The following MDM1 variants were observed in gnomAD, a reference collection of about 807,000 sequenced individuals.
The protein encoded by MDM1 is stabilizer of axonemal microtubules 6, also known as Mdm1 nuclear protein.
Under a neutral mutation model 89.1 loss-of-function variants are expected in MDM1, and 61 were observed. The observed-to-expected ratio is 0.68, with a 90% CI of 0.56 to 0.85. MDM1 has a LOEUF of 0.85. Ranked by LOEUF, MDM1 falls within the 40% of genes least tolerant of loss-of-function variation. MDM1 has a pLI of 0.00. For missense variants in MDM1, 820 were observed against 846.5 expected (o/e 0.97, Z 0.39); for synonymous variants, 290 against 294.1 (o/e 0.99, Z 0.14).
intron 4 of MDM1, among the ~76,000 whole-genome samples, chr12:68,323,879 C>G (rs1211532179): frequency 6.6e-6 from 1 of 152,150 alleles, no homozygotes; most frequent in Non-Finnish European, 1.5e-5. Flanking sequence ...CAGATCTAAA[C>G]AGTTTATCTT....
intron 13 of MDM1, among the ~76,000 whole-genome samples, chr12:68,297,256 T>C (rs1347929326): frequency 6.6e-6 from 1 of 152,248 alleles, no homozygotes; most frequent in African/African-American, 2.4e-5. Flanking sequence ...TTTCCAATGA[T>C]AATATTGATC....
At position 68,326,645 on chromosome 12, in the gene MDM1, G is replaced by A. The variant is rs781291512; in HGVS notation, c.498+12C>T. 1 of 1,614,106 alleles carries A rather than the reference G, an allele frequency of 6.2e-7. No individual in the cohort carries two copies. On this transcript the variant is annotated intron_variant, in intron 3 of 14. Transcript: ENST00000682720. Reference sequence around the variant, plus strand: ...CTATGCTTTTGAAAAGAAATGCAGTGAATATGCCTACCCCATTATCTACAT... The same window carrying A: ...CTATGCTTTTGAAAAGAAATGCAGTAAATATGCCTACCCCATTATCTACAT...
At chr12:68,322,125 T>C (rs1293998978) in intron 5 of MDM1, among the ~76,000 whole-genome samples, 1 of 152,230 alleles carries the variant, frequency 6.6e-6, no homozygotes, top group Non-Finnish European at 1.5e-5. Context: ...TTACATACTT[T>C]CTATTTTTAG....
intron 13 of MDM1, among the ~76,000 whole-genome samples, chr12:68,301,555 C>A (rs2120773536): frequency 6.6e-6 from 1 of 152,024 alleles, no homozygotes; most frequent in East Asian, 1.9e-4. Context: ...TAGAATACAT[C>A]CATGTAACCA....
chr12:68,325,790 C>A, intron 3 of MDM1: 1 of 1,172,780 alleles, frequency 8.5e-7, no homozygotes, highest in Non-Finnish European at 1.1e-6. Flanking sequence ...ATTTAAAATT[C>A]CTTTCTATCA....
intron 2 of MDM1, among the ~76,000 whole-genome samples, chr12:68,328,332 A>G (rs1876308177): frequency 1.3e-5 from 2 of 152,220 alleles, no homozygotes; most frequent in South Asian, 4.1e-4. Context: ...ACATATGCAT[A>G]TAACACATTT....
At position 68,315,152 on chromosome 12, in the gene MDM1, G is replaced by A; in HGVS notation, c.1325C>T (p.Ser442Leu). The A allele has an allele frequency of 6.2e-7, 1 of 1,614,098 alleles. No individual in the cohort carries two copies. The highest frequency in any genetic ancestry group is 1.3e-5 in the African/African-American group (1 of 75,010). ...CCTTCTAACGGGTATGGTGGGAGCT[G>A]ACACACCCAATTTCTCCGTGGTATT... Reference protein sequence around the residue: ...QKNTTEKLGVSAPTIPVRRRL... With the variant: ...QKNTTEKLGVLAPTIPVRRRL... Residue 442 changes from serine (S) to leucine (L), a missense_variant, in exon 10 of 15, where the codon TCA becomes TTA. Ser to Leu is a moderately radical substitution (Grantham distance 145, BLOSUM62 -2). Coordinates refer to ENST00000682720, the MANE Select transcript of MDM1 (RefSeq NM_001354969.2).
chr12:68,318,413 A>G (rs561570875), intron 7 of MDM1, among the ~76,000 whole-genome samples: 1 of 152,220 alleles, frequency 6.6e-6, no homozygotes, highest in Non-Finnish European at 1.5e-5. Flanking sequence ...GGAGGGGGAG[A>G]GTATACTTCA....
At chr12:68,296,395 G>T in intron 14 of MDM1, among the ~76,000 whole-genome samples, 1 of 152,224 alleles carries the variant, frequency 6.6e-6, no homozygotes, top group East Asian at 1.9e-4. Context: ...CTATTTGGGA[G>T]GCTGAGGCAG....
intron 13 of MDM1, among the ~76,000 whole-genome samples, chr12:68,300,973 G>T (rs113366489): frequency 0.012 from 1,863 of 152,076 alleles, 43 homozygotes; most frequent in African/African-American, 0.042. Context: ...CAGACCACAG[G>T]GGAATAAAAC....
At chr12:68,320,648 A>C (rs1346347604) in intron 7 of MDM1, among the ~76,000 whole-genome samples, 1 of 152,236 alleles carries the variant, frequency 6.6e-6, no homozygotes, top group Non-Finnish European at 1.5e-5. Flanking sequence ...GACAGGGGGA[A>C]GTGGGATGTT....
chr12:68,325,042 A>C, intron 4 of MDM1: 1 of 977,930 alleles, frequency 1.0e-6, no homozygotes, highest in Non-Finnish European at 1.2e-6. Context: ...AAATATTCAA[A>C]GCAGTTACGC....
At chr12:68,320,930 T>C (rs1190905784) in intron 7 of MDM1, 2 of 153,866 alleles carry the variant, frequency 1.3e-5, no homozygotes, top group Non-Finnish European at 2.9e-5. Context: ...AAACTTCACC[T>C]TTCTTTTGCC....
In MDM1 at chr12:68,326,717, A is replaced by G; in HGVS notation, c.438T>C (p.Val146=). 2 of 1,614,166 alleles carry G rather than the reference A, an allele frequency of 1.2e-6. No individual in the cohort carries two copies. The highest frequency in any genetic ancestry group is 1.7e-6 in the Non-Finnish European group (2 of 1,180,002). The change falls in exon 3 of 15, where the codon GTT becomes GTC. Residue 146 remains valine (V), a synonymous_variant. Coordinates refer to ENST00000682720, the MANE Select transcript of MDM1 (RefSeq NM_001354969.2). ...NNEGVTNHTP[V]NENVELEHST... ...AATGTTCCAGTTCCACATTTTCATT[A>G]ACTGGTGTATGGTTTGTTACACCCT...
chr12:68,297,401 T>C (rs148969152), intron 13 of MDM1, among the ~76,000 whole-genome samples: 40 of 152,214 alleles, frequency 2.6e-4, no homozygotes, highest in African/African-American at 9.2e-4. Context: ...TTTTGGAACA[T>C]GGAAAGCAAA....
Position 68,327,078 on chromosome 12 carries a change from A to G in MDM1, c.134-57T>C, listed in dbSNP as rs1200960734. Reference sequence around the variant, plus strand: ...ACTAAAGCAAAAAGTTACAAAGACAACTTTTAAGAACACTTGTGGAGGAGA... The same window carrying G: ...ACTAAAGCAAAAAGTTACAAAGACAGCTTTTAAGAACACTTGTGGAGGAGA... On this transcript the variant is annotated intron_variant, in intron 2 of 14. Coordinates refer to ENST00000682720, the MANE Select transcript of MDM1 (RefSeq NM_001354969.2). 5 of 1,512,102 alleles carry G rather than the reference A, an allele frequency of 3.3e-6. No homozygotes were observed. The African/African-American group carries it at 7.0e-5, about 21-fold the overall frequency. The allele number at this position is 1,512,102 out of a possible 1,614,324, so 93.7% of individuals were successfully genotyped here.
chr12:68,295,165 GAAAAA>G lies in MDM1; in HGVS notation c.*84_*88del. On this transcript the variant is annotated 3_prime_UTR_variant, in exon 15 of 15. Transcript: ENST00000682720. ...AATATTTCAAAGTAGAAAACGTTAG[GAAAAA>G]CTTCACTCAAAAAATTTTAACACAG... 1.3e-6 allele frequency: 1 copy of G among 777,610 alleles called. No individual in the cohort carries two copies. Among genetic ancestry groups the G allele is most frequent in the Non-Finnish European group, 2.1e-6 (1 of 469,576 alleles). The allele number at this position is 777,610 out of a possible 1,614,324, so 48.2% of individuals were successfully genotyped here.
At chr12:68,327,298 C>A in intron 2 of MDM1, 2 of 1,416,104 alleles carry the variant, frequency 1.4e-6, no homozygotes, top group Non-Finnish European at 1.8e-6. Flanking sequence ...TAACAAAAGT[C>A]ACTAGAATTG....
chr12:68,297,736 G>A (rs1321857811), intron 13 of MDM1, among the ~76,000 whole-genome samples: 1 of 152,010 alleles, frequency 6.6e-6, no homozygotes, highest in Non-Finnish European at 1.5e-5. Context: ...TGTGGGCAGG[G>A]GTAATGTATT....
Sources: gnomAD v4.1 joint callset for allele counts (sites outside exome capture counted in the v4.1 genomes callset) on GRCh38, gnomAD v4.1.1 for gene constraint, MANE v1.5 for transcripts, NCBI Gene and HGNC (gene_info 2026-07-23, HGNC 2026-07-21) for gene names.